Variants in SCARB1 observed in about 807,000 individuals in gnomAD.
The protein encoded by SCARB1 is scavenger receptor class B member 1, also known as CD36 and LIMPII analogous 1.
A neutral mutation model predicts 57.2 loss-of-function variants in SCARB1; 30 were observed. The observed-to-expected ratio is 0.52, with a 90% confidence interval of 0.39 to 0.71. SCARB1 has a LOEUF of 0.71. Ranked by LOEUF, SCARB1 falls within the 30% of genes least tolerant of loss-of-function variation. The probability of loss-of-function intolerance (pLI) is 0.00; values close to 1 mark genes in which losing one functional copy is unlikely to be tolerated. For synonymous variants in SCARB1, 249 were observed against 268.3 expected, an observed-to-expected ratio of 0.93 and a Z score of 0.70; for missense variants, 543 against 671.2, an observed-to-expected ratio of 0.81 and a Z score of 2.11.
chr12:124,853,173 A>C (rs1952488136), intron 1 of SCARB1, among the ~76,000 whole-genome samples: 1 of 152,150 alleles, frequency 6.6e-6, no homozygotes, highest in South Asian at 2.1e-4. Context: ...CAGGGAGACA[A>C]AAAGACGGTC....
rs889129693 is a variant in SCARB1, at chr12:124,812,086, T to G, written c.631-121A>C. 5 of 765,246 alleles carry G rather than the reference T, an allele frequency of 6.5e-6. No individual in the cohort carries two copies. The African/African-American group carries it at 8.6e-5, about 13-fold the overall frequency. The allele number at this position is 765,246 out of a possible 1,614,324, so 47.4% of individuals were successfully genotyped here. ...CCAGAAGGACAGGGCCCCCAGCATC[T>G]GGTTCACTGCCAAATGCCCAGTGTC... On this transcript the variant is annotated intron_variant, in intron 4 of 12. Transcript: ENST00000261693. This position sits in a 1 kb window ranked among gnomAD's most constrained non-coding sequence, Gnocchi z 4.3.
At chr12:124,849,829 A>G (rs6488945) in intron 1 of SCARB1, among the ~76,000 whole-genome samples, 91,275 of 149,590 alleles carry the variant, frequency 0.61, 28,651 homozygotes, top group African/African-American at 0.74. Context: ...TTGGAAGACC[A>G]AGGTGGGAGG....
intron 7 of SCARB1, among the ~76,000 whole-genome samples, chr12:124,806,470 T>A (rs1950328531): frequency 6.6e-6 from 1 of 152,178 alleles, no homozygotes; most frequent in Non-Finnish European, 1.5e-5. Flanking sequence ...AGATGTTACG[T>A]AACACACAGA....
In SCARB1 at chr12:124,814,312, G is replaced by T. The variant is rs367669186; in HGVS notation, c.520C>A (p.Arg174Ser). ...CCCCACATGATCTCACCCACAGTGC[G>T]GTTCATGAAGGCACGTTCGCCGAGG... ...TTLGERAFMN[R>S]TVGEIMWGYK... is the part of the protein sequence containing the mutation. Residue 174 changes from arginine to serine, a missense_variant, in exon 4 of 13, where the codon CGC becomes AGC. Coordinates refer to ENST00000261693, the MANE Select transcript of SCARB1 (RefSeq NM_005505.5). The surrounding 1 kb of genome is among the most constrained non-coding windows in gnomAD (Gnocchi z 4.7). 9 of 1,614,024 alleles carry T rather than the reference G, an allele frequency of 5.6e-6. No homozygotes were observed. The African/African-American group carries it at 1.1e-4, about 19-fold the overall frequency.
intron 9 of SCARB1, among the ~76,000 whole-genome samples, chr12:124,791,457 A>G (rs529213727): frequency 1.3e-5 from 2 of 152,340 alleles, no homozygotes; most frequent in African/African-American, 4.8e-5. Flanking sequence ...GGAGGATTCA[A>G]TGCAGTAATA....
Position 124,807,718 on chromosome 12 carries a change from C to T in SCARB1, c.1009+43G>A, listed in dbSNP as rs1469204524. The T allele has an allele frequency of 1.2e-6, 2 of 1,607,954 alleles. No individual in the cohort carries two copies. Among genetic ancestry groups the T allele is most frequent in the East Asian group, 4.5e-5 (2 of 44,840 alleles). On this transcript the variant is annotated intron_variant, in intron 7 of 12. Coordinates refer to ENST00000261693, the MANE Select transcript of SCARB1 (RefSeq NM_005505.5). This position sits in a 1 kb window ranked among gnomAD's most constrained non-coding sequence, Gnocchi z 5.3. ...CAGATAAACCCTCAGCTGGCCCCAC[C>T]CTCACACCCTCCCGCCATCCCAGCA...
rs781583569 is a variant in SCARB1, at chr12:124,814,911, G to A, written c.426+62C>T. The A allele has an allele frequency of 4.0e-5, 65 of 1,606,072 alleles. No individual in the cohort carries two copies. The highest frequency in any genetic ancestry group is 6.7e-5 in the East Asian group (3 of 44,762). On this transcript the variant is annotated intron_variant, in intron 3 of 12. Transcript: ENST00000261693. This position sits in a 1 kb window ranked among gnomAD's most constrained non-coding sequence, Gnocchi z 4.7. ...ACTGCTCTCTGCACAAGGGGCAGGCGGGAGGAGAGACAGGGGACGAGGTCA... is the reference window on the plus strand; with the variant it reads ...ACTGCTCTCTGCACAAGGGGCAGGCAGGAGGAGAGACAGGGGACGAGGTCA...
At chr12:124,856,209 T>C (rs1345887564) in intron 1 of SCARB1, among the ~76,000 whole-genome samples, 1 of 152,220 alleles carries the variant, frequency 6.6e-6, no homozygotes, top group Admixed American at 6.5e-5. Context: ...CATAAACACG[T>C]GTGTTCATGT....
At chr12:124,845,181 C>T (rs1386843827) in intron 1 of SCARB1, among the ~76,000 whole-genome samples, 1 of 152,160 alleles carries the variant, frequency 6.6e-6, no homozygotes, top group South Asian at 2.1e-4. Flanking sequence ...CCCGAACATG[C>T]GCGCTCCCAG....
chr12:124,794,100 C>T (rs544518300), intron 9 of SCARB1, among the ~76,000 whole-genome samples: 1 of 152,058 alleles, frequency 6.6e-6, no homozygotes, highest in African/African-American at 2.4e-5. Flanking sequence ...TAGGTAAGTC[C>T]GCAGAGACAG....
chr12:124,851,608 ATTTTTTTTT>A (rs5801574), intron 1 of SCARB1, among the ~76,000 whole-genome samples: 1 of 128,108 alleles, frequency 7.8e-6, no homozygotes, highest in Non-Finnish European at 1.7e-5. Context: ...AAAGGATTCC[ATTTTTTTTT>A]TTTTTTTTTT....
At chr12:124,833,215 G>C (rs917700417) in intron 1 of SCARB1, among the ~76,000 whole-genome samples, 2 of 146,750 alleles carry the variant, frequency 1.4e-5, no homozygotes, top group African/African-American at 5.0e-5. Flanking sequence ...TTTTGAGACA[G>C]GGTCTCACTC....
At chr12:124,819,084 G>A (rs115112587) in intron 1 of SCARB1, among the ~76,000 whole-genome samples, 5,184 of 151,386 alleles carry the variant, frequency 0.034, 279 homozygotes, top group African/African-American at 0.12. Context: ...CTGTAATGGC[G>A]CCATTTGTAC....
At position 124,786,225 on chromosome 12, in the gene SCARB1, G is replaced by A. The variant is rs774865156; in HGVS notation, c.1401+132C>T. 4.4e-6 allele frequency: 7 copies of A among 1,598,186 alleles called. No individual in the cohort carries two copies. The African/African-American group carries it at 6.7e-5, about 15-fold the overall frequency. ...CCCAGCAGTGACCGCTCCCACTCCG[G>A]CAGAGACGCAGGACTGCTGCTGGAG... On this transcript the variant is annotated intron_variant, in intron 11 of 12. Coordinates refer to ENST00000261693, the MANE Select transcript of SCARB1 (RefSeq NM_005505.5).
chr12:124,807,872 G>A lies in SCARB1; in HGVS notation c.898C>T (p.Arg300Cys), dbSNP rs746605995. The change falls in exon 7 of 13, where the codon CGC (arginine) becomes TGC (cysteine). Residue 300 changes from arginine to cysteine, a missense_variant. Transcript: ENST00000261693. The surrounding 1 kb of genome is among the most constrained non-coding windows in gnomAD (Gnocchi z 5.3). ...SGVFEGIPTY[R>C]FVAPKTLFAN... ...AACAGGGTTTTGGGAGCCACGAAGCGATAGGTGGGGATGCCTTCAAACACC... is the reference window on the plus strand; with the variant it reads ...AACAGGGTTTTGGGAGCCACGAAGCAATAGGTGGGGATGCCTTCAAACACC... 3.1e-6 allele frequency: 5 copies of A among 1,614,020 alleles called. No individual in the cohort carries two copies. The highest frequency in any genetic ancestry group is 2.2e-5 in the East Asian group (1 of 44,886).
At position 124,778,478 on chromosome 12, in the gene SCARB1, G is replaced by A. The variant is rs200843603; in HGVS notation, c.*109C>T. 126 of 1,344,526 alleles carry A rather than the reference G, an allele frequency of 9.4e-5. 1 individual carries two copies. The Admixed American group carries it at 4.9e-3, about 52-fold the overall frequency. The allele number at this position is 1,344,526 out of a possible 1,614,324, so 83.3% of individuals were successfully genotyped here. A position where few individuals can be genotyped will look rare whatever the true frequency, so the allele number is the denominator to read the frequency against. On this transcript the variant is annotated 3_prime_UTR_variant, in exon 13 of 13. Coordinates refer to ENST00000261693, the MANE Select transcript of SCARB1 (RefSeq NM_005505.5). ...GGCAGCTGGGAGGCTCAGGCTGTGG[G>A]GCTGGGGGGCTGTCCGCTGGGAGAG... is the stretch of plus-strand genomic sequence containing the variant.
Position 124,810,365 on chromosome 12 carries a change from C to G in SCARB1, c.727-76G>C. 1 of 1,001,878 alleles carries G rather than the reference C, an allele frequency of 1.0e-6. No individual in the cohort carries two copies. The highest frequency in any genetic ancestry group is 1.6e-6 in the Non-Finnish European group (1 of 627,752). The allele number at this position is 1,001,878 out of a possible 1,614,324, so 62.1% of individuals were successfully genotyped here. On this transcript the variant is annotated intron_variant, in intron 5 of 12. Coordinates refer to ENST00000261693, the MANE Select transcript of SCARB1 (RefSeq NM_005505.5). The surrounding 1 kb of genome is among the most constrained non-coding windows in gnomAD (Gnocchi z 4.0). ...ATAAGCCCTCTCAGGTGCTGCACAC[C>G]TAACTCACCCTGGTGCACGCACGGC... is the stretch of plus-strand genomic sequence containing the variant.
intron 9 of SCARB1, among the ~76,000 whole-genome samples, chr12:124,792,770 G>A (rs974711089): frequency 4.4e-5 from 6 of 137,548 alleles, no homozygotes; most frequent in Non-Finnish European, 8.0e-5. Flanking sequence ...CTCCCAATAA[G>A]TAAAAATTGA....
Position 124,800,280 on chromosome 12 carries a change from A to C in SCARB1, c.1010-38T>G. 1 of 1,505,488 alleles carries C rather than the reference A, an allele frequency of 6.6e-7. No individual in the cohort carries two copies. The highest frequency in any genetic ancestry group is 1.1e-5 in the South Asian group (1 of 88,350). 93.3% of individuals were successfully genotyped at this position (1,505,488 alleles called of 1,614,324 possible). A position where few individuals can be genotyped will look rare whatever the true frequency, so the allele number is the denominator to read the frequency against. On this transcript the variant is annotated intron_variant, in intron 7 of 12. Transcript: ENST00000261693. The surrounding 1 kb of genome is among the most constrained non-coding windows in gnomAD (Gnocchi z 4.8). ...CAGGGAGGGGACATCAGACAAGGACAGTATATTGGCAGGTCCTGCCAGGCC... is the reference window on the plus strand; with the variant it reads ...CAGGGAGGGGACATCAGACAAGGACCGTATATTGGCAGGTCCTGCCAGGCC...
Sources: gnomAD v4.1 joint callset for allele counts (sites outside exome capture counted in the v4.1 genomes callset) on GRCh38, gnomAD v4.1.1 for gene constraint, Gnocchi (gnomAD v3.1) non-coding constraint, MANE v1.5 for transcripts, NCBI Gene and HGNC (gene_info 2026-07-23, HGNC 2026-07-21) for gene names.